The following PPP1R12A variants were observed in gnomAD, a reference collection of about 807,000 sequenced individuals.
PPP1R12A encodes the protein protein phosphatase 1 regulatory subunit 12A.
PPP1R12A carries 19 observed loss-of-function variants against 139.6 expected under a neutral mutation model. The observed-to-expected ratio is 0.14, with a 90% CI of 0.09 to 0.20. The LOEUF is 0.20. Ranked by LOEUF, PPP1R12A falls within the 10% of genes least tolerant of loss-of-function variation. The pLI is 1.00. For synonymous variants in PPP1R12A, 427 were observed against 420.6 expected, an observed-to-expected ratio of 1.02 and a Z score of -0.19; for missense variants, 925 against 1,211.5, an observed-to-expected ratio of 0.76 and a Z score of 3.51.
rs1880527259 is a variant in PPP1R12A, at chr12:79,855,390, CAAAG to C, written c.369-9974_369-9971del. Reference sequence around the variant, plus strand: ...CCCTAAGAGGTCTGAGAAAAACAAACAAAGAAAATTTCATGTCTTTGTTACTGTG... The same window carrying C: ...CCCTAAGAGGTCTGAGAAAAACAAACAAAATTTCATGTCTTTGTTACTGTG... On this transcript the variant is annotated intron_variant, in intron 2 of 24. Transcript: ENST00000450142. Among the ~76,000 whole-genome samples, 7 of 152,176 alleles carry C rather than the reference CAAAG, an allele frequency of 4.6e-5. No individual in the cohort carries two copies. The South Asian group carries it at 1.4e-3, about 32-fold the overall frequency.
chr12:79,822,974 AACTT>A (rs1436677583), intron 5 of PPP1R12A, among the ~76,000 whole-genome samples: 1 of 152,046 alleles, frequency 6.6e-6, no homozygotes. Context: ...GACTTCCTAA[AACTT>A]AATTAACTTC....
intron 3 of PPP1R12A, among the ~76,000 whole-genome samples, chr12:79,841,553 C>T (rs1010299381): frequency 6.6e-6 from 1 of 152,162 alleles, no homozygotes; most frequent in African/African-American, 2.4e-5. Flanking sequence ...AAATCAGCCC[C>T]GCTTACAGTT....
intron 8 of PPP1R12A, chr12:79,819,225 AT>A (rs1875787969): frequency 6.6e-6 from 1 of 152,228 alleles, no homozygotes; most frequent in Non-Finnish European, 1.5e-5. Context: ...ATTTAATAGA[AT>A]ACTAGAGTTT....
At position 79,809,922 on chromosome 12, in the gene PPP1R12A, G is replaced by A. The variant is rs751773876; in HGVS notation, c.1328C>T (p.Thr443Met). The change falls in exon 10 of 25, where the codon ACG (threonine) becomes ATG (methionine). Residue 443 changes from threonine (T) to methionine (M), a missense_variant. Physicochemically the swap from Thr to Met is moderately conservative, Grantham distance 81 (BLOSUM62 -1). This residue lies in a region of PPP1R12A where 403 missense variants were observed against 463.7 expected (regional missense o/e 0.87). Transcript: ENST00000450142. ...PATWRLGLRK[T>M]GSYGALAEIT... ...TTCAGCAAGTGCACCATAGCTGCCC[G>A]TCTTTCTAAGTCCTAACCTCCAAGT... The A allele has an allele frequency of 1.6e-5, 26 of 1,613,268 alleles. No individual in the cohort carries two copies. In the Middle Eastern group the frequency reaches 4.9e-4, roughly 31 times the overall value.
intron 2 of PPP1R12A, among the ~76,000 whole-genome samples, chr12:79,856,665 T>G (rs1207972447): frequency 6.6e-6 from 1 of 152,244 alleles, no homozygotes; most frequent in African/African-American, 2.4e-5. Flanking sequence ...TTTCAGTCTT[T>G]GAGTTGTCTC....
intron 1 of PPP1R12A, among the ~76,000 whole-genome samples, chr12:79,903,287 C>T (rs1039462641): frequency 9.2e-5 from 14 of 151,954 alleles, no homozygotes; most frequent in Non-Finnish European, 2.1e-4. Context: ...CCCATCTCTA[C>T]TAAAAATACA....
At chr12:79,781,504 A>G (rs535281826) in intron 23 of PPP1R12A, among the ~76,000 whole-genome samples, 1 of 152,210 alleles carries the variant, frequency 6.6e-6, no homozygotes, top group East Asian at 1.9e-4. Context: ...TAAGAGATAA[A>G]CGGCATTTCA....
chr12:79,807,218 AT>A lies in PPP1R12A; in HGVS notation c.1655+7del. On this transcript the variant is annotated splice_region_variant and intron_variant, in intron 12 of 24. Coordinates refer to ENST00000450142, the MANE Select transcript of PPP1R12A (RefSeq NM_002480.3). The stretch of plus-strand genomic sequence containing the variant: ...TACATAAAAACCGCTTAAGAATAGT[AT>A]TATTACCTTTTATGATACGTTGATC... 2 of 1,462,678 alleles carry A rather than the reference AT, an allele frequency of 1.4e-6. No individual in the cohort carries two copies. The highest frequency in any genetic ancestry group is 1.9e-6 in the Non-Finnish European group (2 of 1,074,228). 90.6% of individuals were successfully genotyped at this position (1,462,678 alleles called of 1,614,324 possible).
intron 1 of PPP1R12A, among the ~76,000 whole-genome samples, chr12:79,903,726 T>A (rs1288282273): frequency 6.6e-6 from 1 of 152,176 alleles, no homozygotes; most frequent in South Asian, 2.1e-4. Context: ...ATAAATGCTA[T>A]CTTTTATCTA....
chr12:79,815,617 G>C (rs1459117268), intron 9 of PPP1R12A, among the ~76,000 whole-genome samples: 1 of 152,056 alleles, frequency 6.6e-6, no homozygotes, highest in African/African-American at 2.4e-5. Context: ...ATCAAAAGAT[G>C]CAGGAATGAA....
chr12:79,810,466 G>C (rs960437904), intron 9 of PPP1R12A, among the ~76,000 whole-genome samples: 27 of 152,268 alleles, frequency 1.8e-4, no homozygotes, highest in Admixed American at 1.5e-3. Flanking sequence ...CATGATGCAG[G>C]ATCTACTGAT....
intron 5 of PPP1R12A, chr12:79,825,136 A>G (rs1055713662): frequency 6.6e-6 from 1 of 152,304 alleles, no homozygotes; most frequent in Middle Eastern, 3.4e-3. Flanking sequence ...TGGGAATACA[A>G]TCTAGGTCTC....
chr12:79,861,873 C>T (rs1025058574), intron 2 of PPP1R12A, among the ~76,000 whole-genome samples: 8 of 152,142 alleles, frequency 5.3e-5, no homozygotes, highest in Non-Finnish European at 8.8e-5. Context: ...TGAATCCACT[C>T]TGGGGGCAGG....
chr12:79,891,568 A>G (rs1884643254), intron 1 of PPP1R12A, among the ~76,000 whole-genome samples: 1 of 152,222 alleles, frequency 6.6e-6, no homozygotes, highest in Non-Finnish European at 1.5e-5. Flanking sequence ...TGCTTATAGT[A>G]GGTAGCCTCT....
intron 12 of PPP1R12A, 97 bp from the exon 13 acceptor site, chr12:79,806,430 TTTA>T: frequency 3.4e-6 from 4 of 1,165,552 alleles, no homozygotes; most frequent in Non-Finnish European, 4.8e-6. Context: ...AGAAAAAAAA[TTTA>T]AAAACTGTGT....
chr12:79,886,727 T>G (rs1178215651), intron 1 of PPP1R12A, among the ~76,000 whole-genome samples: 1 of 152,088 alleles, frequency 6.6e-6, no homozygotes, highest in African/African-American at 2.4e-5. Context: ...CCACAAAAGT[T>G]TCTAAAGAAA....
chr12:79,836,462 T>G (rs1467771716), intron 3 of PPP1R12A, among the ~76,000 whole-genome samples: 1 of 152,196 alleles, frequency 6.6e-6, no homozygotes, highest in Non-Finnish European at 1.5e-5. Context: ...AACCTACTTC[T>G]TTTATATTTA....
chr12:79,897,102 A>G (rs1885198771), intron 1 of PPP1R12A, among the ~76,000 whole-genome samples: 1 of 152,220 alleles, frequency 6.6e-6, no homozygotes, highest in Non-Finnish European at 1.5e-5. Context: ...TTGCTGCGCC[A>G]TGCACAACAG....
Position 79,822,440 on chromosome 12 carries a change from C to A in PPP1R12A, c.793-250G>T, listed in dbSNP as rs73349363. The stretch of plus-strand genomic sequence containing the variant: ...ATTGAGATATAATTCATATACCATA[C>A]AAATCACTCATTTAAAGTGTACAAT... On this transcript the variant is annotated intron_variant, in intron 5 of 24. Transcript: ENST00000450142. Among the ~76,000 whole-genome samples, 382 of 152,244 alleles carry A rather than the reference C, an allele frequency of 2.5e-3. 2 individuals carry two copies. Among genetic ancestry groups the A allele is most frequent in the African/African-American group, 8.8e-3 (364 of 41,534 alleles).
Sources: allele counts gnomAD v4.1 joint callset (sites outside exome capture counted in the v4.1 genomes callset), GRCh38; gene constraint gnomAD v4.1.1; regional missense constraint gnomAD v4.1.1; transcripts MANE v1.5; gene names NCBI Gene and HGNC (gene_info 2026-07-23, HGNC 2026-07-21).